Variants in PRKAG2 observed in about 807,000 individuals in gnomAD.
The protein encoded by PRKAG2 is 5'-AMP-activated protein kinase subunit gamma-2.
A neutral mutation model predicts 69.6 loss-of-function variants in PRKAG2; 26 were observed. The observed-to-expected ratio is 0.37, with a 90% CI of 0.27 to 0.52. PRKAG2 has a LOEUF of 0.52. Among genes scored for constraint, PRKAG2 ranks in the 20% least tolerant of loss-of-function variants. PRKAG2 has a pLI of 0.90. For synonymous variants in PRKAG2, 293 were observed against 285.0 expected (o/e 1.03, Z -0.28); for missense variants, 557 against 740.0 (o/e 0.75, Z 2.87).
intron 5 of PRKAG2, among the ~76,000 whole-genome samples, chr7:151,610,608 C>T (rs1241947225): frequency 6.6e-6 from 1 of 151,124 alleles, no homozygotes; most frequent in Non-Finnish European, 1.5e-5. Context: ...ACCCAGGAGG[C>T]AGAAGTTGCA....
chr7:151,656,836 A>G (rs901114142), intron 4 of PRKAG2, among the ~76,000 whole-genome samples: 1 of 152,116 alleles, frequency 6.6e-6, no homozygotes, highest in Non-Finnish European at 1.5e-5. Context: ...GCAAAGGTAA[A>G]ACCTCAAAAG....
chr7:151,865,841 A>G (rs1381222510), intron 1 of PRKAG2, among the ~76,000 whole-genome samples: 2 of 152,038 alleles, frequency 1.3e-5, no homozygotes, highest in African/African-American at 4.8e-5. Flanking sequence ...AACACGGTGA[A>G]ACCCCGTCTC....
intron 3 of PRKAG2, among the ~76,000 whole-genome samples, chr7:151,708,364 G>C (rs1237406635): frequency 1.3e-5 from 2 of 152,196 alleles, no homozygotes; most frequent in Non-Finnish European, 2.9e-5. Context: ...GTGGGGCACT[G>C]TGTGGCCCCT....
chr7:151,566,724 AG>A, intron 11 of PRKAG2: 1 of 357,330 alleles, frequency 2.8e-6, no homozygotes, highest in South Asian at 2.3e-5. Flanking sequence ...AAAAAAAAAA[AG>A]AAAGCCCTAT....
rs2076405114 is a variant in PRKAG2 at position 151,777,135 on chromosome 7, C to T, written c.466+4017G>A. Among the ~76,000 whole-genome samples the T allele has an allele frequency of 6.6e-6, 1 of 152,160 alleles. No individual in the cohort carries two copies. Among genetic ancestry groups the T allele is most frequent in the Non-Finnish European group, 1.5e-5 (1 of 68,020 alleles). On this transcript the variant is annotated intron_variant, in intron 3 of 15. Coordinates refer to ENST00000287878, the MANE Select transcript of PRKAG2 (RefSeq NM_016203.4). This position sits in a 1 kb window ranked among gnomAD's most constrained non-coding sequence, Gnocchi z 4.3. ...GTGGAGGGGAGTCTGGGAGCTTCCTCCTGTGCAGACCACAGGCCCCAATGG... is the reference window on the plus strand; with the variant it reads ...GTGGAGGGGAGTCTGGGAGCTTCCTTCTGTGCAGACCACAGGCCCCAATGG...
chr7:151,855,348 G>GCC (rs1195580471), intron 1 of PRKAG2, among the ~76,000 whole-genome samples: 1 of 1,330 alleles, frequency 7.5e-4, no homozygotes, highest in Non-Finnish European at 1.2e-3. Flanking sequence ...CACACACCAT[G>GCC]CTCCACACAC....
chr7:151,799,086 C>CT (rs34889052), intron 1 of PRKAG2, among the ~76,000 whole-genome samples: 1,846 of 152,300 alleles, frequency 0.012, 40 homozygotes, highest in African/African-American at 0.042. Flanking sequence ...CCCGGGCCTG[C>CT]TGCGGGTGCC....
At chr7:151,594,359 GT>G (rs1458337274) in intron 6 of PRKAG2, among the ~76,000 whole-genome samples, 1 of 152,228 alleles carries the variant, frequency 6.6e-6, no homozygotes, top group East Asian at 1.9e-4. Context: ...TACACTAAAT[GT>G]ATACGCACAG....
intron 3 of PRKAG2, among the ~76,000 whole-genome samples, chr7:151,773,314 T>A (rs1373216770): frequency 1.3e-5 from 2 of 152,160 alleles, no homozygotes; most frequent in Admixed American, 1.3e-4. Context: ...TATCTATTTT[T>A]TCGTAAATGG....
chr7:151,762,657 C>T (rs906587922), intron 3 of PRKAG2, among the ~76,000 whole-genome samples: 2 of 152,168 alleles, frequency 1.3e-5, no homozygotes, highest in African/African-American at 4.8e-5. Flanking sequence ...AGCTGTGTGC[C>T]GTAGAACAAG....
At chr7:151,615,713 G>T (rs1819965717) in intron 5 of PRKAG2, among the ~76,000 whole-genome samples, 1 of 151,964 alleles carries the variant, frequency 6.6e-6, no homozygotes. Context: ...TAAACAAATT[G>T]ACAAGAAAAA....
intron 3 of PRKAG2, among the ~76,000 whole-genome samples, chr7:151,721,666 G>A (rs895293801): frequency 2.0e-5 from 3 of 152,234 alleles, no homozygotes; most frequent in Non-Finnish European, 4.4e-5. Context: ...CAGCAGGGTA[G>A]GCCCCTCTAA....
intron 1 of PRKAG2, among the ~76,000 whole-genome samples, chr7:151,812,321 T>G (rs2151854503): frequency 6.6e-6 from 1 of 152,218 alleles, no homozygotes; most frequent in East Asian, 1.9e-4. Context: ...GGGGGTGTGG[T>G]GAGACTGGTC....
intron 5 of PRKAG2, among the ~76,000 whole-genome samples, chr7:151,626,076 G>A (rs1353621454): frequency 6.6e-6 from 1 of 152,214 alleles, no homozygotes; most frequent in Non-Finnish European, 1.5e-5. Flanking sequence ...AGAAAGTTCT[G>A]AGATGGGAGG....
In PRKAG2 at chr7:151,720,324, C is replaced by G. The variant is rs1796846938; in HGVS notation, c.467-44687G>C. On this transcript the variant is annotated intron_variant, in intron 3 of 15. Transcript: ENST00000287878. Reference sequence around the variant, plus strand: ...GTTCGCGTTTGAGTTTCTGTTACTTCCAGCCCCAAAAGCACCCTAGATAGG... The same window carrying G: ...GTTCGCGTTTGAGTTTCTGTTACTTGCAGCCCCAAAAGCACCCTAGATAGG... Among the ~76,000 whole-genome samples the G allele has an allele frequency of 2.6e-5, 4 of 151,920 alleles. No homozygotes were observed. The South Asian group carries it at 6.3e-4, about 24-fold the overall frequency.
intron 13 of PRKAG2, chr7:151,564,456 C>A: frequency 2.0e-6 from 1 of 502,898 alleles, no homozygotes; most frequent in South Asian, 2.0e-5. Flanking sequence ...ACCTTCCTTA[C>A]GAAGCAACAT....
At chr7:151,782,366 AGGG>A (rs879370124) in intron 2 of PRKAG2, among the ~76,000 whole-genome samples, 35,869 of 83,650 alleles carry the variant, frequency 0.43, 9,853 homozygotes, top group South Asian at 0.63. Flanking sequence ...GGAGGGAGGG[AGGG>A]AGGGAAGGAA....
chr7:151,808,521 G>C (rs987594987), intron 1 of PRKAG2, among the ~76,000 whole-genome samples: 1 of 152,048 alleles, frequency 6.6e-6, no homozygotes, highest in East Asian at 1.9e-4. Flanking sequence ...TGAGCGCCTG[G>C]TGATGCACAG....
chr7:151,659,231 A>G (rs1236910761), intron 4 of PRKAG2, among the ~76,000 whole-genome samples: 1 of 152,214 alleles, frequency 6.6e-6, no homozygotes, highest in Non-Finnish European at 1.5e-5. Context: ...TGTTTTGCAT[A>G]GACTTAAAAA....
Sources: allele counts gnomAD v4.1 joint callset (sites outside exome capture counted in the v4.1 genomes callset), GRCh38; gene constraint gnomAD v4.1.1; non-coding constraint Gnocchi (gnomAD v3.1); transcripts MANE v1.5; gene names NCBI Gene and HGNC (gene_info 2026-07-23, HGNC 2026-07-21).